The following TG variants were observed in gnomAD, a reference collection of about 807,000 sequenced individuals.
TG encodes thyroglobulin.
In TG, 270 loss-of-function variants were observed where a neutral mutation model predicts 324.7. The ratio of observed to expected loss-of-function variants is 0.83; its 90% CI spans 0.75 to 0.92. The LOEUF (loss-of-function observed/expected upper bound fraction) is 0.92. Among genes scored for constraint, TG ranks in the 40% least tolerant of loss-of-function variants. TG has a pLI of 0.00. For missense variants in TG, 3,591 were observed against 3,456.4 expected, an observed-to-expected ratio of 1.04 and a Z score of -0.98; for synonymous variants, 1,401 against 1,327.0, an observed-to-expected ratio of 1.06 and a Z score of -1.21.
chr8:132,887,407 G>A lies in TG; in HGVS notation c.2035G>A (p.Gly679Ser). 1 of 1,614,172 alleles carries A rather than the reference G, an allele frequency of 6.2e-7. No homozygotes were observed. The highest frequency in any genetic ancestry group is 8.5e-7 in the Non-Finnish European group (1 of 1,180,028). ...MQSLMGSQPA[G>S]STLFVPACTS... ...AAGCCTCATGGGCAGCCAGCCTGCT[G>A]GCTCCACCTTGTTTGTCCCTGCTTG... is the stretch of plus-strand genomic sequence containing the variant. The change falls in exon 9 of 48, where the codon GGC (glycine) becomes AGC (serine). Residue 679 changes from glycine (G) to serine (S), a missense_variant. Gly to Ser is a moderately conservative substitution (Grantham distance 56). Transcript: ENST00000220616.
chr8:132,929,323 A>C (rs1822348658), intron 23 of TG, 131 bp downstream of exon 23: 1 of 731,840 alleles, frequency 1.4e-6, no homozygotes, highest in Admixed American at 2.2e-5. Flanking sequence ...AAACACTATA[A>C]ATGAATTGAT....
intron 37 of TG, among the ~76,000 whole-genome samples, chr8:133,016,224 A>G (rs1419013879): frequency 6.6e-6 from 1 of 152,212 alleles, no homozygotes. Context: ...CTGGAAGTCA[A>G]GGACAGACAT....
At chr8:132,892,540 G>A (rs1816374235) in intron 10 of TG, among the ~76,000 whole-genome samples, 1 of 152,232 alleles carries the variant, frequency 6.6e-6, no homozygotes, top group African/African-American at 2.4e-5. Flanking sequence ...TCCACAAATG[G>A]TGACTGAATG....
At position 133,042,640 on chromosome 8, in the gene TG, A is replaced by G. The variant is rs577963060; in HGVS notation, c.7239+12617A>G. 2.0e-4 allele frequency among the ~76,000 whole-genome samples: 30 copies of G among 146,386 alleles called. No individual in the cohort carries two copies. In the East Asian group the frequency reaches 2.8e-3, roughly 13 times the overall value. On this transcript the variant is annotated intron_variant, in intron 41 of 47. Coordinates refer to ENST00000220616, the MANE Select transcript of TG (RefSeq NM_003235.5). ...ATAAGCAACCTGTTGCTAGATGTCAATTCAAACCCCTGGTGCACAATTCCT... is the reference window on the plus strand; with the variant it reads ...ATAAGCAACCTGTTGCTAGATGTCAGTTCAAACCCCTGGTGCACAATTCCT...
intron 41 of TG, among the ~76,000 whole-genome samples, chr8:133,065,169 G>A (rs1384166999): frequency 1.3e-5 from 2 of 152,204 alleles, no homozygotes; most frequent in Non-Finnish European, 2.9e-5. Flanking sequence ...CAACGGTGAT[G>A]ACCAGAACAC....
chr8:133,123,948 A>T (rs2131814469), intron 45 of TG, among the ~76,000 whole-genome samples: 1 of 152,392 alleles, frequency 6.6e-6, no homozygotes, highest in African/African-American at 2.4e-5. Context: ...CTGTGGGCCT[A>T]ACTGCCTGGC....
At chr8:133,022,465 A>G (rs1252686605) in intron 40 of TG, among the ~76,000 whole-genome samples, 5 of 152,114 alleles carry the variant, frequency 3.3e-5, no homozygotes, top group Non-Finnish European at 5.9e-5. Flanking sequence ...AAGATTAGAA[A>G]CTGGCTTAAG....
intron 35 of TG, among the ~76,000 whole-genome samples, chr8:133,006,999 AT>A (rs200195744): frequency 4.9e-4 from 75 of 151,518 alleles, no homozygotes; most frequent in East Asian, 1.9e-3. Context: ...TTTTATGTTA[AT>A]TTTTTTTTAG....
intron 35 of TG, among the ~76,000 whole-genome samples, chr8:132,990,866 C>T (rs1328621141): frequency 4.0e-5 from 6 of 151,878 alleles, no homozygotes; most frequent in South Asian, 2.1e-4. Context: ...TGTCGCTGCT[C>T]CAGTTTCCCG....
chr8:133,064,293 T>A (rs1842779745), intron 41 of TG: 2 of 152,232 alleles, frequency 1.3e-5, no homozygotes, highest in Admixed American at 6.5e-5. Flanking sequence ...AAAACAACCA[T>A]TGGCGTTTTT....
At chr8:133,107,679 CT>C in intron 43 of TG, among the ~76,000 whole-genome samples, 1 of 152,288 alleles carries the variant, frequency 6.6e-6, no homozygotes, top group South Asian at 2.1e-4. Flanking sequence ...TGGGAGACAA[CT>C]TTTGGGTCAT....
rs778442397 is a variant in TG, at chr8:132,871,520, T to C, written c.447T>C (p.Tyr149=). ...WCVDAEGMEV[Y]GTRQLGRPKR... is the part of the protein sequence containing the mutation. ...TGGACGCAGAGGGGATGGAGGTGTA[T>C]GGGACCCGCCAGCTGGGGAGGCCAA... Residue 149 remains tyrosine, a synonymous_variant, in exon 4 of 48, where the codon TAT becomes TAC. Transcript: ENST00000220616. The C allele has an allele frequency of 1.2e-5, 19 of 1,613,866 alleles. No individual in the cohort carries two copies. The South Asian group carries it at 1.8e-4, about 15-fold the overall frequency.
At chr8:133,033,349 G>A (rs1237579722) in intron 41 of TG, among the ~76,000 whole-genome samples, 1 of 152,148 alleles carries the variant, frequency 6.6e-6, no homozygotes, top group Non-Finnish European at 1.5e-5. Flanking sequence ...CCGTCCTGAG[G>A]CCAGGCTGGA....
In TG at chr8:132,967,897, C is replaced by T. The variant is rs1828866084; in HGVS notation, c.5790C>T (p.Asp1930=). 2 of 1,613,996 alleles carry T rather than the reference C, an allele frequency of 1.2e-6. No homozygotes were observed. Among genetic ancestry groups the T allele is most frequent in the Non-Finnish European group, 1.7e-6 (2 of 1,179,942 alleles). ...ACCCAGAGGCACAGGTGTGTGATGA[C>T]ATCATGGAGTCCAATGCCCAGGGCT... The part of the protein sequence containing the change: ...TLYPEAQVCD[D]IMESNAQGCR... The change falls in exon 31 of 48, where the codon GAC becomes GAT. Residue 1930 remains aspartate (D), a synonymous_variant. Coordinates refer to ENST00000220616, the MANE Select transcript of TG (RefSeq NM_003235.5).
chr8:133,083,153 A>G (rs1408052890), intron 41 of TG, among the ~76,000 whole-genome samples: 2 of 152,252 alleles, frequency 1.3e-5, no homozygotes, highest in Non-Finnish European at 2.9e-5. Context: ...TAGCAATAAT[A>G]AATAATTATA....
chr8:133,008,292 G>T (rs1360908223), intron 35 of TG, among the ~76,000 whole-genome samples: 1 of 152,140 alleles, frequency 6.6e-6, no homozygotes, highest in African/African-American at 2.4e-5. Context: ...ACCATTTGAT[G>T]ATAAAATACA....
rs765208846 is a variant in TG, at chr8:132,906,884, G to A, written c.3831G>A (p.Gln1277=). 2 of 1,612,658 alleles carry A rather than the reference G, an allele frequency of 1.2e-6. No individual in the cohort carries two copies. Among genetic ancestry groups the A allele is most frequent in the East Asian group, 2.2e-5 (1 of 44,832 alleles). Residue 1277 remains glutamine (Q), a synonymous_variant, in exon 17 of 48, where the codon CAG becomes CAA. Transcript: ENST00000220616. The part of the protein sequence containing the change: ...ESGRWESQLP[Q]PRACQRPQLW... ...GACGCTGGGAGTCACAGCTGCCTCAGCCCCGGGCCTGCCAACGTGAGTGGC... is the reference window on the plus strand; with the variant it reads ...GACGCTGGGAGTCACAGCTGCCTCAACCCCGGGCCTGCCAACGTGAGTGGC...
chr8:132,874,620 G>C (rs758523965), intron 5 of TG, among the ~76,000 whole-genome samples: 1 of 152,212 alleles, frequency 6.6e-6, no homozygotes, highest in Non-Finnish European at 1.5e-5. Flanking sequence ...TCTCAGACTA[G>C]CAGCCTGTGT....
intron 41 of TG, chr8:133,074,737 C>T: frequency 2.1e-6 from 1 of 480,924 alleles, no homozygotes; most frequent in Non-Finnish European, 2.7e-6. Context: ...GACATTGCCC[C>T]ACCTGTTCTC....
Sources: allele counts gnomAD v4.1 joint callset (sites outside exome capture counted in the v4.1 genomes callset), GRCh38; gene constraint gnomAD v4.1.1; transcripts MANE v1.5; gene names NCBI Gene and HGNC (gene_info 2026-07-23, HGNC 2026-07-21).